The following PTPRC variants were observed in gnomAD, a reference collection of about 807,000 sequenced individuals.
PTPRC encodes the protein receptor-type tyrosine-protein phosphatase C.
Under a neutral mutation model 155.9 loss-of-function variants are expected in PTPRC, and 44 were observed. The observed-to-expected ratio is 0.28, with a 90% CI of 0.22 to 0.36. The LOEUF (loss-of-function observed/expected upper bound fraction) is 0.36, where lower values mean the gene tolerates loss of function less well. PTPRC is among the 10% of genes least tolerant of loss of function. The pLI, the probability that PTPRC is intolerant of heterozygous loss-of-function variation, is 1.00. For missense variants in PTPRC, 1,401 were observed against 1,564.6 expected (o/e 0.90, Z 1.76); for synonymous variants, 525 against 533.1 (o/e 0.98, Z 0.21).
At chr1:198,642,942 T>TTCTC (rs1662705846) in intron 2 of PTPRC, among the ~76,000 whole-genome samples, 1 of 150,248 alleles carries the variant, frequency 6.7e-6, no homozygotes, top group Non-Finnish European at 1.5e-5. Context: ...CTTTCTTTCT[T>TTCTC]TCTTTCTTTC....
At chr1:198,671,391 A>G (rs11577644) in intron 2 of PTPRC, among the ~76,000 whole-genome samples, 7,196 of 152,186 alleles carry the variant, frequency 0.047, 240 homozygotes, top group East Asian at 0.15. Flanking sequence ...GAAACATGAA[A>G]CTACCTTCTA....
intron 2 of PTPRC, among the ~76,000 whole-genome samples, chr1:198,690,523 A>C (rs1276318077): frequency 1.3e-5 from 2 of 152,120 alleles, no homozygotes; most frequent in Non-Finnish European, 2.9e-5. Context: ...CAAGAAAGTC[A>C]TTATGTTAAT....
chr1:198,755,801 C>T (rs1655618317), intron 32 of PTPRC, 105 bp from the exon 33 acceptor site: 1 of 1,240,430 alleles, frequency 8.1e-7, no homozygotes, highest in Non-Finnish European at 1.2e-6. Flanking sequence ...TTCTGTCATC[C>T]AATACTTCCA....
chr1:198,716,658 A>T (rs756941989), intron 12 of PTPRC, 24 bp from the exon 13 acceptor site: 127 of 1,605,020 alleles, frequency 7.9e-5, no homozygotes, highest in Middle Eastern at 6.8e-4. Flanking sequence ...CGACTTACTA[A>T]TTTTTTTTCA....
rs1384271820 is a variant in PTPRC at position 198,757,325 on chromosome 1, T to G, written c.*1144T>G. 1 of 151,856 alleles carries G rather than the reference T, an allele frequency of 6.6e-6. No homozygotes were observed. The highest frequency in any genetic ancestry group is 1.5e-5 in the Non-Finnish European group (1 of 67,816). 9.4% of individuals were successfully genotyped at this position (151,856 alleles called of 1,614,324 possible). On this transcript the variant is annotated 3_prime_UTR_variant, in exon 33 of 33. Transcript: ENST00000442510. Reference sequence around the variant, plus strand: ...TTCAAATATGAAATGTGTATGCACCTATTGAAATATGTTTAATGCATTTAT... The same window carrying G: ...TTCAAATATGAAATGTGTATGCACCGATTGAAATATGTTTAATGCATTTAT...
intron 29 of PTPRC, among the ~76,000 whole-genome samples, chr1:198,751,164 A>C (rs1655362121): frequency 6.6e-6 from 1 of 152,148 alleles, no homozygotes; most frequent in Admixed American, 6.6e-5. Flanking sequence ...TTCTTTTAAC[A>C]AGACCAAACT....
intron 17 of PTPRC, among the ~76,000 whole-genome samples, chr1:198,730,115 A>C (rs1437537822): frequency 6.6e-6 from 1 of 152,086 alleles, no homozygotes; most frequent in Non-Finnish European, 1.5e-5. Flanking sequence ...GATCCAGTAA[A>C]AGGGGACAAA....
intron 26 of PTPRC, 94 bp from the exon 27 acceptor site, chr1:198,748,015 T>C: frequency 6.7e-7 from 1 of 1,499,360 alleles, no homozygotes; most frequent in African/African-American, 1.4e-5. Context: ...TCACAAAAAT[T>C]AATGAAATGC....
rs1203662622 is a variant in PTPRC at position 198,756,480 on chromosome 1, G to GAA, written c.*301_*302dup. 7.8e-6 allele frequency: 2 copies of GAA among 255,918 alleles called. No homozygotes were observed. Among genetic ancestry groups the GAA allele is most frequent in the Non-Finnish European group, 1.5e-5 (2 of 133,636 alleles). 15.9% of individuals were successfully genotyped at this position (255,918 alleles called of 1,614,324 possible). On this transcript the variant is annotated 3_prime_UTR_variant, in exon 33 of 33. Coordinates refer to ENST00000442510, the MANE Select transcript of PTPRC (RefSeq NM_002838.5). Reference sequence around the variant, plus strand: ...GGTGTGTGTTTGTGTGAGAGACAGAGAAAGAGAGAGAATTCTTTCAAGTGA... The same window carrying GAA: ...GGTGTGTGTTTGTGTGAGAGACAGAGAAAAAGAGAGAGAATTCTTTCAAGTGA...
At chr1:198,754,230 A>C in intron 31 of PTPRC, 39 bp from the exon 32 acceptor site, 1 of 1,574,616 alleles carries the variant, frequency 6.4e-7, no homozygotes, top group Non-Finnish European at 8.7e-7. Flanking sequence ...CTTTTTGGTG[A>C]GAAGTAGGAT....
intron 2 of PTPRC, chr1:198,680,108 C>T (rs1476526680): frequency 1.2e-5 from 5 of 410,092 alleles, no homozygotes; most frequent in African/African-American, 4.1e-5. Flanking sequence ...AGCGGCGACT[C>T]GGCAGCCTCT....
intron 2 of PTPRC, among the ~76,000 whole-genome samples, chr1:198,687,686 G>A (rs1011201511): frequency 3.3e-5 from 5 of 151,922 alleles, no homozygotes; most frequent in African/African-American, 9.7e-5. Context: ...CACATTTAGC[G>A]TGTTCCTACT....
chr1:198,696,285 C>T (rs1225579742), intron 3 of PTPRC, among the ~76,000 whole-genome samples: 5 of 151,162 alleles, frequency 3.3e-5, no homozygotes, highest in Non-Finnish European at 7.4e-5. Flanking sequence ...AACCTTCTAA[C>T]TTTACCTTTC....
intron 4 of PTPRC, among the ~76,000 whole-genome samples, chr1:198,697,319 T>A (rs551823016): frequency 6.6e-6 from 1 of 152,350 alleles, no homozygotes; most frequent in Non-Finnish European, 1.5e-5. Context: ...TGTTTCACTC[T>A]AGATTCTCTT....
intron 2 of PTPRC, among the ~76,000 whole-genome samples, chr1:198,651,777 G>A (rs548527236): frequency 3.1e-4 from 47 of 151,672 alleles, no homozygotes; most frequent in Non-Finnish European, 5.7e-4. Context: ...ATCCTAAAAG[G>A]GAATAGTTCA....
chr1:198,653,584 G>C (rs1291622800), intron 2 of PTPRC, among the ~76,000 whole-genome samples: 3 of 151,790 alleles, frequency 2.0e-5, no homozygotes, highest in African/African-American at 7.2e-5. Flanking sequence ...AAGAGCAACA[G>C]ATCAAGGAAA....
rs114572486 is a variant in PTPRC at position 198,719,028 on chromosome 1, G to A, written c.1659+726G>A. Among the ~76,000 whole-genome samples, 1,311 of 152,002 alleles carry A rather than the reference G, an allele frequency of 8.6e-3. 17 individuals are homozygous for A. Among genetic ancestry groups the A allele is most frequent in the African/African-American group, 0.03 (1,225 of 41,436 alleles). ...TGGTCTCTAATATAAACAACATTCC[G>A]ATAACACACTTATTGGTAAAGCAAA... On this transcript the variant is annotated intron_variant, in intron 14 of 32. Coordinates refer to ENST00000442510, the MANE Select transcript of PTPRC (RefSeq NM_002838.5).
At chr1:198,714,706 C>T (rs1262971194) in intron 12 of PTPRC, among the ~76,000 whole-genome samples, 1 of 152,142 alleles carries the variant, frequency 6.6e-6, no homozygotes, top group South Asian at 2.1e-4. Context: ...TCCCATGTTA[C>T]CTAAGGCAAA....
At chr1:198,749,907 T>C (rs1191381976) in intron 28 of PTPRC, among the ~76,000 whole-genome samples, 1 of 151,914 alleles carries the variant, frequency 6.6e-6, no homozygotes, top group Non-Finnish European at 1.5e-5. Flanking sequence ...TTTGTATATT[T>C]GTATGGTTAG....
Sources: gnomAD v4.1 joint callset for allele counts (sites outside exome capture counted in the v4.1 genomes callset) on GRCh38, gnomAD v4.1.1 for gene constraint, MANE v1.5 for transcripts, NCBI Gene and HGNC (gene_info 2026-07-23, HGNC 2026-07-21) for gene names.